Variants in LDLRAD3 observed in about 807,000 individuals in gnomAD.
The protein encoded by LDLRAD3 is low density lipoprotein receptor class A domain containing 3, also known as low-density lipoprotein receptor class A domain-containing protein 3.
In LDLRAD3, 20 loss-of-function variants were observed where a neutral mutation model predicts 29.4. The ratio of observed to expected loss-of-function variants is 0.68; its 90% CI spans 0.48 to 0.99. The LOEUF is 0.99. Among genes scored for constraint, LDLRAD3 ranks in the 50% least tolerant of loss-of-function variants. The pLI is 0.00. For missense variants in LDLRAD3, 420 were observed against 454.3 expected, an observed-to-expected ratio of 0.92 and a Z score of 0.69; for synonymous variants, 157 against 192.7, an observed-to-expected ratio of 0.81 and a Z score of 1.53.
chr11:36,152,348 C>T (rs554389530), intron 4 of LDLRAD3, among the ~76,000 whole-genome samples: 136 of 152,324 alleles, frequency 8.9e-4, no homozygotes, highest in Non-Finnish European at 1.7e-3. Flanking sequence ...TCTAATTCAG[C>T]TTTCGTCTCA....
rs143689386 is a variant in LDLRAD3 at position 36,087,758 on chromosome 11, C to A, written c.319+5980C>A. On this transcript the variant is annotated intron_variant, in intron 3 of 5. Coordinates refer to ENST00000315571, the MANE Select transcript of LDLRAD3 (RefSeq NM_174902.4). ...TAGGGTCTCACTCTCATTTTCTAGG[C>A]TGGAGTGCAGTAGTACGAACACAGC... Among the ~76,000 whole-genome samples the A allele has an allele frequency of 2.1e-4, 32 of 151,906 alleles. No individual in the cohort carries two copies. In the East Asian group the frequency reaches 5.4e-3, roughly 26 times the overall value.
intron 1 of LDLRAD3, among the ~76,000 whole-genome samples, chr11:35,999,401 G>A (rs1437427036): frequency 1.3e-5 from 2 of 152,250 alleles, no homozygotes; most frequent in East Asian, 1.9e-4. Context: ...CAGATTACCC[G>A]GAGAAACGGC....
chr11:35,955,691 T>C (rs1180418467), intron 1 of LDLRAD3, among the ~76,000 whole-genome samples: 1 of 152,222 alleles, frequency 6.6e-6, no homozygotes, highest in African/African-American at 2.4e-5. Context: ...TAAAAAGACA[T>C]GAAGAATTAG....
chr11:36,066,018 C>G (rs1852786381), intron 2 of LDLRAD3, among the ~76,000 whole-genome samples: 1 of 152,126 alleles, frequency 6.6e-6, no homozygotes, highest in Non-Finnish European at 1.5e-5. Flanking sequence ...AGGGTGGAGG[C>G]TCTGAAAAGT....
intron 4 of LDLRAD3, among the ~76,000 whole-genome samples, chr11:36,143,976 C>T (rs1302516488): frequency 7.1e-6 from 1 of 140,902 alleles, no homozygotes; most frequent in Admixed American, 7.5e-5. Flanking sequence ...CCTCTGATGC[C>T]GAGCCGAAGC....
At chr11:36,149,826 G>A (rs531093337) in intron 4 of LDLRAD3, among the ~76,000 whole-genome samples, 31 of 152,268 alleles carry the variant, frequency 2.0e-4, no homozygotes, top group Admixed American at 1.4e-3. Flanking sequence ...GAGGCTCTGC[G>A]TCTGTTCCTC....
At chr11:36,128,929 A>G in intron 4 of LDLRAD3, among the ~76,000 whole-genome samples, 1 of 146,536 alleles carries the variant, frequency 6.8e-6, no homozygotes, top group Non-Finnish European at 1.5e-5. Context: ...CAAGGTTAGT[A>G]GAGAGACACT....
chr11:36,023,373 G>T (rs375740118), intron 1 of LDLRAD3, among the ~76,000 whole-genome samples: 1 of 152,118 alleles, frequency 6.6e-6, no homozygotes, highest in Non-Finnish European at 1.5e-5. Flanking sequence ...GGGACTAGCC[G>T]TCTCCTAGCT....
chr11:36,044,761 G>A (rs1852425589), intron 2 of LDLRAD3, among the ~76,000 whole-genome samples: 1 of 152,214 alleles, frequency 6.6e-6, no homozygotes, highest in African/African-American at 2.4e-5. Context: ...AGGCTCTTGA[G>A]GTTGCAGGGA....
chr11:36,036,977 G>A (rs898927934), intron 2 of LDLRAD3, among the ~76,000 whole-genome samples: 1 of 152,178 alleles, frequency 6.6e-6, no homozygotes, highest in Non-Finnish European at 1.5e-5. Context: ...AGAGGGGTCC[G>A]TGGTGTCAAA....
intron 4 of LDLRAD3, chr11:36,109,866 C>T (rs1853583167): frequency 6.6e-6 from 1 of 152,140 alleles, no homozygotes; most frequent in African/African-American, 2.4e-5. Context: ...ATGTCAAGAG[C>T]TTCATTAGAG....
At chr11:36,018,770 AC>A (rs1852055142) in intron 1 of LDLRAD3, among the ~76,000 whole-genome samples, 1 of 152,076 alleles carries the variant, frequency 6.6e-6, no homozygotes, top group Non-Finnish European at 1.5e-5. Flanking sequence ...CATCTTTTCA[AC>A]TTTTGCCAGT....
At chr11:36,008,251 T>G (rs1851909402) in intron 1 of LDLRAD3, among the ~76,000 whole-genome samples, 1 of 152,114 alleles carries the variant, frequency 6.6e-6, no homozygotes, top group Admixed American at 6.5e-5. Flanking sequence ...AATCCTATAT[T>G]TTTTCAAAAA....
chr11:36,053,854 T>TGTCATG (rs1174726832), intron 2 of LDLRAD3, among the ~76,000 whole-genome samples: 2 of 152,094 alleles, frequency 1.3e-5, no homozygotes, highest in African/African-American at 4.8e-5. Context: ...TCCAAGAAGT[T>TGTCATG]GTCATGTGAC....
In LDLRAD3 at chr11:36,141,008, C is replaced by G. The variant is rs966091180; in HGVS notation, c.454+42547C>G. On this transcript the variant is annotated intron_variant, in intron 4 of 5. Transcript: ENST00000315571. ...TGTTGAGCTTTCTCTCTCTCTCTCT[C>G]TCTCTCTCTCTCTCTCTCTCTCTCT... Among the ~76,000 whole-genome samples, 49 of 150,028 alleles carry G rather than the reference C, an allele frequency of 3.3e-4. 1 individual carries two copies. The highest frequency in any genetic ancestry group is 4.0e-4 in the Admixed American group (6 of 15,064).
chr11:36,069,840 C>T (rs940808907), intron 2 of LDLRAD3, among the ~76,000 whole-genome samples: 1 of 152,144 alleles, frequency 6.6e-6, no homozygotes, highest in Non-Finnish European at 1.5e-5. Flanking sequence ...TATGTATTCT[C>T]ATTCTTTGCA....
chr11:36,141,366 C>T (rs1854084494), intron 4 of LDLRAD3, among the ~76,000 whole-genome samples: 1 of 152,130 alleles, frequency 6.6e-6, no homozygotes, highest in African/African-American at 2.4e-5. Context: ...GAGCACACAG[C>T]AGAGATAAAA....
intron 1 of LDLRAD3, among the ~76,000 whole-genome samples, chr11:35,993,639 T>G (rs1851716154): frequency 6.8e-6 from 1 of 147,384 alleles, no homozygotes; most frequent in South Asian, 2.1e-4. Flanking sequence ...GTGCCCTGAC[T>G]GCGCAGTCCT....
At chr11:36,058,460 A>G (rs1479349909) in intron 2 of LDLRAD3, among the ~76,000 whole-genome samples, 2 of 152,186 alleles carry the variant, frequency 1.3e-5, no homozygotes, top group African/African-American at 2.4e-5. Flanking sequence ...CATCCCTGGC[A>G]TCGGGTTTGG....
Sources: gnomAD v4.1 joint callset for allele counts (sites outside exome capture counted in the v4.1 genomes callset) on GRCh38, gnomAD v4.1.1 for gene constraint, MANE v1.5 for transcripts, NCBI Gene and HGNC (gene_info 2026-07-23, HGNC 2026-07-21) for gene names.